Variants in LOXHD1 observed in about 807,000 individuals in gnomAD.
The protein encoded by LOXHD1 is lipoxygenase homology PLAT domains 1, also known as lipoxygenase homology domain-containing protein 1.
A neutral mutation model predicts 248.2 loss-of-function variants in LOXHD1; 205 were observed. The ratio of observed to expected loss-of-function variants is 0.83; its 90% CI spans 0.74 to 0.93. LOXHD1 has a LOEUF of 0.93. Ranked by LOEUF, LOXHD1 falls within the 40% of genes least tolerant of loss-of-function variation. The pLI, the probability that LOXHD1 is intolerant of heterozygous loss-of-function variation, is 0.00. For synonymous variants in LOXHD1, 1,113 were observed against 1,162.8 expected, an observed-to-expected ratio of 0.96 and a Z score of 0.87; for missense variants, 2,930 against 2,971.6, an observed-to-expected ratio of 0.99 and a Z score of 0.33.
chr18:46,524,660 C>G lies in LOXHD1; in HGVS notation c.4740+48G>C, dbSNP rs775873958. The G allele has an allele frequency of 5.8e-6, 9 of 1,551,368 alleles. No homozygotes were observed. The South Asian group carries it at 9.5e-5, about 16-fold the overall frequency. On this transcript the variant is annotated intron_variant, in intron 30 of 40. Coordinates refer to ENST00000642948, the MANE Select transcript of LOXHD1 (RefSeq NM_001384474.1). ...CCAGCACCTCCACCTCGAGGGACCTCCCCTAGGCATGAGGATGGCCACAGG... is the reference window on the plus strand; with the variant it reads ...CCAGCACCTCCACCTCGAGGGACCTGCCCTAGGCATGAGGATGGCCACAGG...
At chr18:46,528,271 G>T (rs1387215090) in intron 29 of LOXHD1, among the ~76,000 whole-genome samples, 3 of 152,122 alleles carry the variant, frequency 2.0e-5, no homozygotes, top group Non-Finnish European at 4.4e-5. Context: ...GGGGATTTCA[G>T]GCAGATTTCA....
intron 23 of LOXHD1, chr18:46,544,885 G>A (rs1020982653): frequency 3.2e-5 from 15 of 472,494 alleles, no homozygotes; most frequent in Non-Finnish European, 6.6e-5. Flanking sequence ...TTGAGGGACT[G>A]ACTGACTCCT....
intron 10 of LOXHD1, 109 bp from the exon 11 acceptor site, chr18:46,592,693 A>G: frequency 1.1e-6 from 1 of 881,794 alleles, no homozygotes; most frequent in Non-Finnish European, 1.8e-6. Flanking sequence ...TTTCTTCAGC[A>G]GTGAGGATGG....
chr18:46,626,234 G>A (rs954138908), intron 4 of LOXHD1, among the ~76,000 whole-genome samples: 2 of 152,164 alleles, frequency 1.3e-5, no homozygotes, highest in Non-Finnish European at 2.9e-5. Flanking sequence ...TCCCATTCAT[G>A]GACTACAATG....
chr18:46,589,154 C>T (rs2038118047), intron 12 of LOXHD1, among the ~76,000 whole-genome samples: 1 of 152,176 alleles, frequency 6.6e-6, no homozygotes, highest in Non-Finnish European at 1.5e-5. Flanking sequence ...AGGTTGTTGG[C>T]AAACTGACAA....
intron 15 of LOXHD1, among the ~76,000 whole-genome samples, chr18:46,571,516 G>T (rs2037751639): frequency 1.3e-5 from 2 of 152,122 alleles, no homozygotes; most frequent in African/African-American, 4.8e-5. Context: ...AGCTCTTCCG[G>T]TTCTAAGTTT....
At chr18:46,528,680 A>G (rs2035929440) in intron 29 of LOXHD1, among the ~76,000 whole-genome samples, 1 of 152,174 alleles carries the variant, frequency 6.6e-6, no homozygotes, top group Non-Finnish European at 1.5e-5. Flanking sequence ...AACACAATTT[A>G]GCCAATTCAT....
At position 46,557,487 on chromosome 18, in the gene LOXHD1, T is replaced by C. The variant is rs748419853; in HGVS notation, c.3219A>G (p.Thr1073=). 2.9e-5 allele frequency: 45 copies of C among 1,551,782 alleles called. No homozygotes were observed. The South Asian group carries it at 5.2e-4, about 18-fold the overall frequency. ...CAATGGCATAGATGGTGAAGGTGTC[T>C]GTCTGGGAAGGGCCAGGGAACACTC... ...DKSNKFEQGQ[T]DTFTIYAIDL... is the part of the protein sequence containing the mutation. Residue 1073 remains threonine, a splice_region_variant and synonymous_variant, in exon 21 of 41, where the codon ACA becomes ACG. Coordinates refer to ENST00000642948, the MANE Select transcript of LOXHD1 (RefSeq NM_001384474.1).
intron 2 of LOXHD1, among the ~76,000 whole-genome samples, chr18:46,647,015 T>A (rs1012797557): frequency 2.6e-5 from 4 of 152,196 alleles, no homozygotes; most frequent in Admixed American, 6.5e-5. Context: ...TCTAGAGCAC[T>A]CCTGACCAGC....
chr18:46,563,611 G>A (rs935013550), intron 17 of LOXHD1, among the ~76,000 whole-genome samples: 6 of 152,144 alleles, frequency 3.9e-5, no homozygotes, highest in East Asian at 1.9e-4. Context: ...CATTGTAACC[G>A]TATTAAAAGG....
intron 28 of LOXHD1, among the ~76,000 whole-genome samples, chr18:46,532,950 A>T (rs1279341942): frequency 1.3e-5 from 2 of 152,212 alleles, no homozygotes; most frequent in Non-Finnish European, 2.9e-5. Flanking sequence ...GACAGCTGAG[A>T]CTTTGAAGAC....
chr18:46,580,578 C>A (rs1482328375), intron 12 of LOXHD1, among the ~76,000 whole-genome samples: 1 of 152,110 alleles, frequency 6.6e-6, no homozygotes, highest in Non-Finnish European at 1.5e-5. Context: ...TTTACTGAAG[C>A]CTAGTAGGTG....
chr18:46,648,074 T>C (rs2039055219), intron 2 of LOXHD1, among the ~76,000 whole-genome samples: 1 of 152,106 alleles, frequency 6.6e-6, no homozygotes, highest in Admixed American at 6.6e-5. Context: ...CTTGCCAACA[T>C]GGTGAAACCC....
chr18:46,560,514 T>G lies in LOXHD1; in HGVS notation c.2630A>C (p.Lys877Thr), dbSNP rs1428371244. The change falls in exon 19 of 41, where the codon AAG becomes ACG. Residue 877 changes from lysine (K) to threonine (T), a missense_variant. Lys to Thr is a moderately conservative substitution (Grantham distance 78). Transcript: ENST00000642948. ...CTCGCCCGTGTGCCCGAGCCGGAGC[T>G]TATAGACCTCGCCCACGTCGGCCGC... ...LEAADVGEVY[K>T]LRLGHTGEGF... 2 of 1,534,806 alleles carry G rather than the reference T, an allele frequency of 1.3e-6. No homozygotes were observed. Among genetic ancestry groups the G allele is most frequent in the Non-Finnish European group, 1.7e-6 (2 of 1,144,938 alleles).
At chr18:46,644,851 G>C (rs763957660) in intron 2 of LOXHD1, among the ~76,000 whole-genome samples, 4 of 152,208 alleles carry the variant, frequency 2.6e-5, no homozygotes, top group Non-Finnish European at 5.9e-5. Context: ...TCACTTGCTG[G>C]GGGGTGGGGA....
intron 40 of LOXHD1, among the ~76,000 whole-genome samples, chr18:46,479,704 T>C (rs946086157): frequency 6.7e-6 from 1 of 148,916 alleles, no homozygotes; most frequent in African/African-American, 2.5e-5. Flanking sequence ...AATGCAACAC[T>C]GAAAAGGTGT....
At chr18:46,516,842 ACAT>A (rs1462929570) in intron 34 of LOXHD1, among the ~76,000 whole-genome samples, 11 of 150,134 alleles carry the variant, frequency 7.3e-5, no homozygotes, top group African/African-American at 2.0e-4. Context: ...ACCATCATCA[ACAT>A]CATCATCCCT....
chr18:46,566,670 T>A (rs935794197), intron 16 of LOXHD1, among the ~76,000 whole-genome samples: 2 of 151,962 alleles, frequency 1.3e-5, no homozygotes, highest in African/African-American at 2.4e-5. Flanking sequence ...CATTCCCTTC[T>A]CCTAAGCCCA....
chr18:46,641,814 G>T, intron 3 of LOXHD1, 142 bp downstream of exon 3: 2 of 823,148 alleles, frequency 2.4e-6, no homozygotes, highest in Non-Finnish European at 1.9e-6. Context: ...CTGTGATTCA[G>T]GATGACAGGG....
Sources: gnomAD v4.1 joint callset for allele counts (sites outside exome capture counted in the v4.1 genomes callset) on GRCh38, gnomAD v4.1.1 for gene constraint, MANE v1.5 for transcripts, NCBI Gene and HGNC (gene_info 2026-07-23, HGNC 2026-07-21) for gene names.